The following SCEL variants were observed in gnomAD, a reference collection of about 807,000 sequenced individuals.
SCEL encodes the protein sciellin.
Under a neutral mutation model 117.6 loss-of-function variants are expected in SCEL, and 113 were observed. The ratio of observed to expected loss-of-function variants is 0.96; its 90% CI spans 0.83 to 1.12. SCEL has a LOEUF of 1.12. Among genes scored for constraint, SCEL ranks in the 50% most tolerant of loss-of-function variants. The pLI, the probability that SCEL is intolerant of heterozygous loss-of-function variation, is 0.00. For missense variants in SCEL, 785 were observed against 810.8 expected (o/e 0.97, Z 0.39); for synonymous variants, 270 against 256.2 (o/e 1.05, Z -0.51).
At chr13:77,552,194 C>A (rs1398436237) in intron 1 of SCEL, among the ~76,000 whole-genome samples, 1 of 151,150 alleles carries the variant, frequency 6.6e-6, no homozygotes, top group East Asian at 1.9e-4. Context: ...ATTTATAGTC[C>A]TTTGGGTATA....
At position 77,644,318 on chromosome 13, in the gene SCEL, T is replaced by C. The variant is rs998184834; in HGVS notation, c.*44T>C. 6.3e-7 allele frequency: 1 copy of C among 1,593,794 alleles called. No individual in the cohort carries two copies. Among genetic ancestry groups the C allele is most frequent in the Non-Finnish European group, 8.6e-7 (1 of 1,163,100 alleles). The stretch of plus-strand genomic sequence containing the variant: ...AAGATGAAAAGCACTCATTAAGGAA[T>C]TAAAGTTACAAGTTTTATCTTAATA... On this transcript the variant is annotated 3_prime_UTR_variant, in exon 33 of 33. Transcript: ENST00000349847.
At chr13:77,643,550 G>A (rs1420793722) in intron 32 of SCEL, among the ~76,000 whole-genome samples, 1 of 152,052 alleles carries the variant, frequency 6.6e-6, no homozygotes, top group African/African-American at 2.4e-5. Context: ...TGAGAAGACG[G>A]TCAACGGTAC....
intron 4 of SCEL, among the ~76,000 whole-genome samples, chr13:77,561,843 A>G (rs1178223877): frequency 2.0e-5 from 3 of 152,090 alleles, no homozygotes; most frequent in Admixed American, 6.6e-5. Flanking sequence ...ATGAGGAAAA[A>G]TTTCCCAAAT....
chr13:77,638,014 A>T (rs2090386533), intron 30 of SCEL, among the ~76,000 whole-genome samples: 1 of 152,256 alleles, frequency 6.6e-6, no homozygotes, highest in African/African-American at 2.4e-5. Flanking sequence ...CCTGGAAACA[A>T]GCCATCATGC....
chr13:77,612,916 A>G lies in SCEL; in HGVS notation c.1363A>G (p.Lys455Glu). The G allele has an allele frequency of 6.4e-7, 1 of 1,565,124 alleles. No homozygotes were observed. The highest frequency in any genetic ancestry group is 8.6e-7 in the Non-Finnish European group (1 of 1,157,292). Residue 455 changes from lysine to glutamate, a missense_variant, in exon 23 of 33, where the codon AAA (lysine) becomes GAA (glutamate). Coordinates refer to ENST00000349847, the MANE Select transcript of SCEL (RefSeq NM_144777.3). The part of the protein sequence containing the change: ...QGNQDLENLI[K>E]VIPSANKSSE... The stretch of plus-strand genomic sequence containing the variant: ...GAACCAAGACTTGGAAAATCTTATC[A>G]AAGTGATCCCTTCAGCAAACAAAAG...
chr13:77,538,661 T>C (rs1400245612), intron 1 of SCEL, among the ~76,000 whole-genome samples: 1 of 152,228 alleles, frequency 6.6e-6, no homozygotes, highest in African/African-American at 2.4e-5. Context: ...GTGAATTTTA[T>C]AGCTACCTAT....
At chr13:77,550,892 C>T (rs2084280468) in intron 1 of SCEL, among the ~76,000 whole-genome samples, 2 of 152,194 alleles carry the variant, frequency 1.3e-5, no homozygotes, top group Non-Finnish European at 2.9e-5. Context: ...GAAGGCTGTC[C>T]TGTGAAGGTT....
chr13:77,602,486 A>G, intron 16 of SCEL, 168 bp from the exon 17 acceptor site: 1 of 610,034 alleles, frequency 1.6e-6, no homozygotes. Context: ...ATGAAATGCT[A>G]TTGTGGAAAT....
chr13:77,591,077 G>C (rs187004924), intron 10 of SCEL, among the ~76,000 whole-genome samples: 4 of 151,978 alleles, frequency 2.6e-5, no homozygotes, highest in South Asian at 2.1e-4. Flanking sequence ...ATTTTAAAAT[G>C]TTATATCATT....
At chr13:77,600,478 A>C (rs903455131) in intron 15 of SCEL, among the ~76,000 whole-genome samples, 2 of 152,134 alleles carry the variant, frequency 1.3e-5, no homozygotes, top group Non-Finnish European at 2.9e-5. Flanking sequence ...TTGGAATCTT[A>C]GTTGGGTCAT....
At chr13:77,618,162 TTTCCTCCC>T in intron 27 of SCEL, 102 bp downstream of exon 27, 2 of 856,544 alleles carry the variant, frequency 2.3e-6, no homozygotes, top group Non-Finnish European at 4.0e-6. Flanking sequence ...CCCTTACTCC[TTTCCTCCC>T]TTCCTCCCTT....
At chr13:77,610,884 T>C (rs1214338681) in intron 22 of SCEL, among the ~76,000 whole-genome samples, 1 of 152,172 alleles carries the variant, frequency 6.6e-6, no homozygotes, top group Non-Finnish European at 1.5e-5. Flanking sequence ...GTCTTTTATA[T>C]AGAAAGAATC....
chr13:77,557,092 A>C (rs2084702412), intron 3 of SCEL, among the ~76,000 whole-genome samples: 1 of 152,250 alleles, frequency 6.6e-6, no homozygotes, highest in African/African-American at 2.4e-5. Flanking sequence ...GAAATAAACA[A>C]AAAGAGTGTA....
chr13:77,546,026 AC>A (rs2083968064), intron 1 of SCEL, among the ~76,000 whole-genome samples: 2 of 152,234 alleles, frequency 1.3e-5, no homozygotes, highest in South Asian at 4.1e-4. Flanking sequence ...GCACTGGACT[AC>A]GAGAGAAAAT....
Position 77,644,248 on chromosome 13 carries a change from T to C in SCEL, c.2051-10T>C, listed in dbSNP as rs1170426202. Reference sequence around the variant, plus strand: ...CTGAATTTGCACGTCTTTTTTCTTTTAATTTGCAGCAAAGTGGATTCCATA... The same window carrying C: ...CTGAATTTGCACGTCTTTTTTCTTTCAATTTGCAGCAAAGTGGATTCCATA... On this transcript the variant is annotated splice_polypyrimidine_tract_variant and intron_variant, in intron 32 of 32. Coordinates refer to ENST00000349847, the MANE Select transcript of SCEL (RefSeq NM_144777.3). The C allele has an allele frequency of 1.9e-6, 3 of 1,613,244 alleles. No individual in the cohort carries two copies. Among genetic ancestry groups the C allele is most frequent in the Non-Finnish European group, 2.5e-6 (3 of 1,179,368 alleles).
chr13:77,574,488 A>G (rs2085822652), intron 9 of SCEL, among the ~76,000 whole-genome samples: 1 of 152,242 alleles, frequency 6.6e-6, no homozygotes, highest in African/African-American at 2.4e-5. Flanking sequence ...CTCTTTGAGC[A>G]TTGAAAATAA....
At chr13:77,613,003 G>A in intron 23 of SCEL, 62 bp downstream of exon 23, 1 of 947,214 alleles carries the variant, frequency 1.1e-6, no homozygotes, top group Non-Finnish European at 1.6e-6. Flanking sequence ...CCCAAAATAA[G>A]ATTAATTATT....
rs1195863187 is a variant in SCEL at position 77,593,298 on chromosome 13, C to CGCGCGCGCGTCTGTG, written c.693-216_693-215insGCGCGCGCGTCTGTG. On this transcript the variant is annotated intron_variant, in intron 11 of 32. Coordinates refer to ENST00000349847, the MANE Select transcript of SCEL (RefSeq NM_144777.3). ...TGTGTGTGTGTGTGTGTGTGTGTGTCTGTGTGTGTGTGTGTGTGTGTCAGT... is the reference window on the plus strand; with the variant it reads ...TGTGTGTGTGTGTGTGTGTGTGTGTCGCGCGCGCGTCTGTGTGTGTGTGTGTGTGTGTGTGTCAGT... Among the ~76,000 whole-genome samples, 56 of 73,742 alleles carry CGCGCGCGCGTCTGTG rather than the reference C, an allele frequency of 7.6e-4. 1 individual carries two copies. The highest frequency in any genetic ancestry group is 1.1e-3 in the Non-Finnish European group (40 of 36,216). The allele number at this position is 73,742 out of a possible 152,430, so 48.4% of individuals were successfully genotyped here.
At position 77,597,563 on chromosome 13, in the gene SCEL, C is replaced by T. The variant is rs201625765; in HGVS notation, c.771C>T (p.Leu257=). 6.7e-7 allele frequency: 1 copy of T among 1,487,914 alleles called. No individual in the cohort carries two copies. Among genetic ancestry groups the T allele is most frequent in the South Asian group, 1.2e-5 (1 of 80,766 alleles). The allele number at this position is 1,487,914 out of a possible 1,614,324, so 92.2% of individuals were successfully genotyped here. ...CCCAAAGTGAAGAATTGGATAATCT[C>T]ATCAAAATGAACAAAAGCTTGAATA... The part of the protein sequence containing the change: ...RSDKGEELDN[L]IKMNKSLNRN... The change falls in exon 13 of 33, where the codon CTC becomes CTT. Residue 257 remains leucine, a synonymous_variant. Coordinates refer to ENST00000349847, the MANE Select transcript of SCEL (RefSeq NM_144777.3).
Sources: allele counts gnomAD v4.1 joint callset (sites outside exome capture counted in the v4.1 genomes callset), GRCh38; gene constraint gnomAD v4.1.1; transcripts MANE v1.5; gene names NCBI Gene and HGNC (gene_info 2026-07-23, HGNC 2026-07-21).